The following MBNL1 variants were observed in gnomAD, a reference collection of about 807,000 sequenced individuals.
MBNL1 encodes the protein muscleblind-like protein 1.
MBNL1 carries 8 observed loss-of-function variants against 42.2 expected under a neutral mutation model. The observed-to-expected ratio is 0.19, with a 90% CI of 0.11 to 0.34. MBNL1 has a LOEUF of 0.34. MBNL1 is among the 10% of genes least tolerant of loss of function. The pLI is 1.00. For synonymous variants in MBNL1, 169 were observed against 173.9 expected (o/e 0.97, Z 0.22); for missense variants, 309 against 495.3 (o/e 0.62, Z 3.57).
chr3:152,435,489 T>C (rs982748708), intron 4 of MBNL1, among the ~76,000 whole-genome samples: 10 of 152,224 alleles, frequency 6.6e-5, no homozygotes, highest in African/African-American at 2.4e-4. Flanking sequence ...TACAGCTTTG[T>C]TATTTTTGCT....
intron 1 of MBNL1, among the ~76,000 whole-genome samples, chr3:152,285,948 A>G (rs1204618753): frequency 6.6e-6 from 1 of 151,836 alleles, no homozygotes; most frequent in Non-Finnish European, 1.5e-5. Flanking sequence ...TTTTAATTAA[A>G]GAACCAAATG....
chr3:152,247,477 AG>A (rs1400706006), intron 2 of MBNL1, among the ~76,000 whole-genome samples: 1 of 152,030 alleles, frequency 6.6e-6, no homozygotes, highest in East Asian at 1.9e-4. Context: ...ACAGATATAA[AG>A]AATAAGGGTA....
Position 152,445,368 on chromosome 3 carries a change from C to T in MBNL1, c.636C>T (p.Asp212=), listed in dbSNP as rs745389725. ...FAHPADSTMI[D]TNDNTVTVCM... The stretch of plus-strand genomic sequence containing the variant: ...ATCCTGCTGACAGCACAATGATTGA[C>T]ACCAATGACAACACAGTCACTGTGT... Residue 212 remains aspartate (D), a synonymous_variant, in exon 5 of 10, where the codon GAC becomes GAT. Coordinates refer to ENST00000324210, the MANE Select transcript of MBNL1 (RefSeq NM_021038.5). The T allele has an allele frequency of 3.7e-6, 6 of 1,613,914 alleles. No homozygotes were observed. The African/African-American group carries it at 8.0e-5, about 22-fold the overall frequency.
chr3:152,275,678 A>C (rs569473777), intron 1 of MBNL1, among the ~76,000 whole-genome samples: 2 of 139,506 alleles, frequency 1.4e-5, no homozygotes, highest in South Asian at 4.8e-4. Flanking sequence ...ACTGCACTCC[A>C]GTCTGGCAAC....
intron 2 of MBNL1, among the ~76,000 whole-genome samples, chr3:152,344,062 T>A (rs115835880): frequency 0.55 from 83,197 of 151,436 alleles, 23,170 homozygotes; most frequent in Middle Eastern, 0.62. Context: ...AAAGATGACC[T>A]TTTTTTGGGG....
chr3:152,414,423 G>A (rs2153644160), intron 2 of MBNL1, among the ~76,000 whole-genome samples: 1 of 152,218 alleles, frequency 6.6e-6, no homozygotes, highest in South Asian at 2.1e-4. Flanking sequence ...ACATGGACTG[G>A]TAAAGCCTAG....
rs530182172 is a variant in MBNL1 at position 152,312,952 on chromosome 3, G to A, written c.174+12585G>A. Among the ~76,000 whole-genome samples the A allele has an allele frequency of 2.0e-5, 3 of 152,070 alleles. No homozygotes were observed. In the South Asian group the frequency reaches 6.2e-4, roughly 32 times the overall value. On this transcript the variant is annotated intron_variant, in intron 2 of 9. Coordinates refer to ENST00000324210, the MANE Select transcript of MBNL1 (RefSeq NM_021038.5). ...GTTTTCACTTCATTCCCAGTGTCAC[G>A]TTTAGAATTTTCATCAAACTAGGAT...
intron 1 of MBNL1, among the ~76,000 whole-genome samples, chr3:152,272,576 TAAA>T (rs141806024): frequency 6.9e-6 from 1 of 145,952 alleles, no homozygotes; most frequent in Non-Finnish European, 1.5e-5. Context: ...TTTAGAAAGT[TAAA>T]AAAAAAAACC....
upstream of MBNL1, chr3:152,264,522 G>A (rs1056084301): frequency 2.0e-5 from 3 of 151,414 alleles, no homozygotes; most frequent in Non-Finnish European, 2.9e-5. Context: ...AAAAAAAAAA[G>A]ACAATGAAAA....
intron 2 of MBNL1, among the ~76,000 whole-genome samples, chr3:152,365,421 AT>A (rs2096291745): frequency 6.6e-6 from 1 of 152,102 alleles, no homozygotes; most frequent in Non-Finnish European, 1.5e-5. Context: ...TAAAATTGTC[AT>A]TATTTCTTTT....
chr3:152,380,959 T>C (rs1027579797), intron 2 of MBNL1, among the ~76,000 whole-genome samples: 1 of 152,068 alleles, frequency 6.6e-6, no homozygotes, highest in Non-Finnish European at 1.5e-5. Flanking sequence ...TATACCTTAA[T>C]ATTTGAGAAA....
chr3:152,382,991 A>T lies in MBNL1; in HGVS notation c.175-31950A>T, dbSNP rs531005287. ...TTCCAGCTCAAAACCAGGAGAAAGGAAGACCTGCCTGATTCCGTCTTTGGA... is the reference window on the plus strand; with the variant it reads ...TTCCAGCTCAAAACCAGGAGAAAGGTAGACCTGCCTGATTCCGTCTTTGGA... On this transcript the variant is annotated intron_variant, in intron 2 of 9. Coordinates refer to ENST00000324210, the MANE Select transcript of MBNL1 (RefSeq NM_021038.5). Among the ~76,000 whole-genome samples the T allele has an allele frequency of 3.3e-5, 5 of 152,198 alleles. No individual in the cohort carries two copies. In the South Asian group the frequency reaches 1.0e-3, roughly 32 times the overall value.
intron 6 of MBNL1, among the ~76,000 whole-genome samples, chr3:152,451,887 C>T (rs1405022020): frequency 6.6e-6 from 1 of 152,088 alleles, no homozygotes; most frequent in Admixed American, 6.5e-5. Flanking sequence ...AATTTGGAGC[C>T]TAGTAAGGTA....
At chr3:152,356,935 G>A (rs745392502) in intron 2 of MBNL1, among the ~76,000 whole-genome samples, 17 of 151,630 alleles carry the variant, frequency 1.1e-4, no homozygotes, top group Non-Finnish European at 1.9e-4. Context: ...CCCTTGTGGT[G>A]TTACCATACT....
At chr3:152,423,038 C>T (rs768352629) in intron 3 of MBNL1, among the ~76,000 whole-genome samples, 51 of 152,220 alleles carry the variant, frequency 3.4e-4, no homozygotes, top group Admixed American at 2.6e-3. Context: ...ATTAAAATAA[C>T]GAGAGAAGCA....
chr3:152,333,721 A>C (rs903164946), intron 2 of MBNL1, among the ~76,000 whole-genome samples: 1 of 152,238 alleles, frequency 6.6e-6, no homozygotes, highest in Non-Finnish European at 1.5e-5. Flanking sequence ...GTGGAATTTC[A>C]GGGCACACAA....
At chr3:152,330,009 A>G (rs1179076767) in intron 2 of MBNL1, among the ~76,000 whole-genome samples, 1 of 152,060 alleles carries the variant, frequency 6.6e-6, no homozygotes. Flanking sequence ...AAAACAAGAT[A>G]GTAAACATTG....
chr3:152,375,507 T>C (rs919506909), intron 2 of MBNL1, among the ~76,000 whole-genome samples: 5 of 152,188 alleles, frequency 3.3e-5, no homozygotes, highest in Non-Finnish European at 7.4e-5. Context: ...CCCAGCACTT[T>C]GGGAGGCCAA....
intron 3 of MBNL1, among the ~76,000 whole-genome samples, chr3:152,427,364 A>T (rs2098946011): frequency 6.6e-6 from 1 of 152,236 alleles, no homozygotes; most frequent in Non-Finnish European, 1.5e-5. Flanking sequence ...AAGTTATAAC[A>T]GTATCTCTTA....
Sources: allele counts gnomAD v4.1 joint callset (sites outside exome capture counted in the v4.1 genomes callset), GRCh38; gene constraint gnomAD v4.1.1; transcripts MANE v1.5; gene names NCBI Gene and HGNC (gene_info 2026-07-23, HGNC 2026-07-21).